The following ATN1 variants were observed in gnomAD, a reference collection of about 807,000 sequenced individuals.
ATN1 encodes the protein atrophin 1.
A neutral mutation model predicts 85.8 loss-of-function variants in ATN1; 19 were observed. The ratio of observed to expected loss-of-function variants is 0.22; its 90% CI spans 0.15 to 0.32. The LOEUF (loss-of-function observed/expected upper bound fraction) is 0.32. Among genes scored for constraint, ATN1 ranks in the 10% least tolerant of loss-of-function variants. The pLI is 1.00. For missense variants in ATN1, 1,453 were observed against 1,564.5 expected (o/e 0.93, Z 1.20); for synonymous variants, 674 against 657.0 (o/e 1.03, Z -0.39).
At chr12:6,927,885 G>T (rs1945414652), upstream of ATN1, among the ~76,000 whole-genome samples, 1 of 151,590 alleles carries the variant, frequency 6.6e-6, no homozygotes. Flanking sequence ...GGCCATTTCG[G>T]AGGGACCGCG....
At chr12:6,940,660 C>T (rs1945621849) in intron 7 of ATN1, among the ~76,000 whole-genome samples, 1 of 152,194 alleles carries the variant, frequency 6.6e-6, no homozygotes, top group South Asian at 2.1e-4. Flanking sequence ...CTTCTGATGA[C>T]TGTAATCTCC....
chr12:6,927,957 G>A (rs1945415500), upstream of ATN1, among the ~76,000 whole-genome samples: 2 of 148,396 alleles, frequency 1.3e-5, no homozygotes. Flanking sequence ...GGCGGGGGCC[G>A]CGGGCGAGGC....
Position 6,938,082 on chromosome 12 carries a change from G to A in ATN1, c.2517+15G>A, listed in dbSNP as rs1213539227. The stretch of plus-strand genomic sequence containing the variant: ...AACGCAGCGTGGTGAGTGCGTCACT[G>A]CCTGCGCCACCGCCTTCTTTCCCTC... On this transcript the variant is annotated intron_variant, in intron 6 of 9. Transcript: ENST00000396684. 2 of 1,534,204 alleles carry A rather than the reference G, an allele frequency of 1.3e-6. No homozygotes were observed. The highest frequency in any genetic ancestry group is 1.4e-5 in the African/African-American group (1 of 72,288).
In ATN1 at chr12:6,941,136, G is replaced by A. The variant is rs1945629287; in HGVS notation, c.3358+113G>A. The A allele has an allele frequency of 7.3e-7, 1 of 1,377,140 alleles. No homozygotes were observed. Among genetic ancestry groups the A allele is most frequent in the African/African-American group, 1.4e-5 (1 of 69,704 alleles). 85.3% of individuals were successfully genotyped at this position (1,377,140 alleles called of 1,614,324 possible). On this transcript the variant is annotated intron_variant, in intron 8 of 9. Transcript: ENST00000396684. This position sits in a 1 kb window ranked among gnomAD's most constrained non-coding sequence, Gnocchi z 5.9. ...GGGGAGGGATGAGGAGGTGCCTAGA[G>A]GAGCTGGGCATGGGAATAGGAGAGC...
Position 6,941,020 on chromosome 12 carries a change from T to C in ATN1, c.3355T>C (p.Phe1119Leu), listed in dbSNP as rs782335580. The C allele has an allele frequency of 1.2e-6, 2 of 1,614,070 alleles. No homozygotes were observed. Among genetic ancestry groups the C allele is most frequent in the Non-Finnish European group, 1.7e-6 (2 of 1,180,006 alleles). The change falls in exon 8 of 10, where the codon TTT (phenylalanine) becomes CTT (leucine). Residue 1119 changes from phenylalanine (F) to leucine (L), a missense_variant. This residue lies in a region of ATN1 where 118 missense variants were observed against 163.7 expected (regional missense o/e 0.72). Coordinates refer to ENST00000396684, the MANE Select transcript of ATN1 (RefSeq NM_001940.4). This position sits in a 1 kb window ranked among gnomAD's most constrained non-coding sequence, Gnocchi z 5.9. ...HENEVLRHQL[F>L]AAPYRDLPAS... ...GAACGAAGTTCTTCGTCACCAGCTC[T>C]TTGGTAAGGATGGAAGTTGGGGTAG...
chr12:6,925,742 T>C (rs1262852767), upstream of ATN1, among the ~76,000 whole-genome samples: 1 of 152,218 alleles, frequency 6.6e-6, no homozygotes, highest in Non-Finnish European at 1.5e-5. Flanking sequence ...GCCCAAGGAA[T>C]TGTGAGACAA....
chr12:6,930,286 T>C (rs1945443361), intron 1 of ATN1, among the ~76,000 whole-genome samples: 1 of 152,144 alleles, frequency 6.6e-6, no homozygotes, highest in Non-Finnish European at 1.5e-5. Flanking sequence ...TTGGACTGGT[T>C]TGTTAGTCTG....
chr12:6,936,763 AG>A lies in ATN1; in HGVS notation c.1497del (p.Gln499HisfsTer41), dbSNP rs1555143787. ...QQQQQQQQQQ[Q>X]QQQHHGNSGP... ...CAGCAGCAGCAGCAGCAGCAGCAGC[AG>A]CAGCAGCAGCATCACGGAAACTCTG... On this transcript the variant is annotated frameshift_variant, in exon 5 of 10. Transcript: ENST00000396684. LOFTEE classifies it high-confidence loss of function. 7.6e-5 allele frequency: 121 copies of A among 1,601,122 alleles called. No individual in the cohort carries two copies. Among genetic ancestry groups the A allele is most frequent in the Non-Finnish European group, 9.8e-5 (115 of 1,175,256 alleles).
chr12:6,925,721 T>A (rs1209734694), upstream of ATN1, among the ~76,000 whole-genome samples: 1 of 152,230 alleles, frequency 6.6e-6, no homozygotes, highest in Non-Finnish European at 1.5e-5. Flanking sequence ...CCCAGAACTT[T>A]GTTGAATCTG....
At chr12:6,933,197 A>G (rs1399105781) in intron 1 of ATN1, among the ~76,000 whole-genome samples, 1 of 152,042 alleles carries the variant, frequency 6.6e-6, no homozygotes, top group African/African-American at 2.4e-5. Context: ...CAATAAATTC[A>G]TACTTCAATG....
rs1555143833 is a variant in ATN1 at position 6,936,922 on chromosome 12, C to G, written c.1655C>G (p.Pro552Arg). 2 of 1,614,116 alleles carry G rather than the reference C, an allele frequency of 1.2e-6. No homozygotes were observed. The highest frequency in any genetic ancestry group is 1.7e-5 in the Admixed American group (1 of 60,026). ...YPPGPAHLPP[P>R]HSQVSYSQAG... Reference sequence around the variant, plus strand: ...CCAGGGCCAGCACACCTGCCCCCACCTCACAGCCAGGTGTCCTACAGCCAA... The same window carrying G: ...CCAGGGCCAGCACACCTGCCCCCACGTCACAGCCAGGTGTCCTACAGCCAA... The change falls in exon 5 of 10, where the codon CCT (proline) becomes CGT (arginine). Residue 552 changes from proline to arginine, a missense_variant. Transcript: ENST00000396684.
At position 6,941,869 on chromosome 12, in the gene ATN1, A is replaced by G. The variant is rs1555144759; in HGVS notation, c.*89A>G. 7.5e-7 allele frequency: 1 copy of G among 1,335,804 alleles called. No individual in the cohort carries two copies. Among genetic ancestry groups the G allele is most frequent in the African/African-American group, 1.4e-5 (1 of 69,314 alleles). 82.7% of individuals were successfully genotyped at this position (1,335,804 alleles called of 1,614,324 possible). ...CCACCGTGCCCTTGGCCTGCCACCC[A>G]GAGCCAAGAGGGTGCTGCTCAGTTG... On this transcript the variant is annotated 3_prime_UTR_variant, in exon 10 of 10. Transcript: ENST00000396684. This position sits in a 1 kb window ranked among gnomAD's most constrained non-coding sequence, Gnocchi z 5.9.
upstream of ATN1, among the ~76,000 whole-genome samples, chr12:6,925,117 C>CAT (rs1555142456): frequency 7.0e-6 from 1 of 143,718 alleles, no homozygotes; most frequent in African/African-American, 2.7e-5. Flanking sequence ...TGTGCGTGTG[C>CAT]GTGTGTGTGT....
chr12:6,938,583 C>T lies in ATN1; in HGVS notation c.2620C>T (p.Pro874Ser), dbSNP rs1565568643. The change falls in exon 7 of 10, where the codon CCC becomes TCC. Residue 874 changes from proline (P) to serine (S), a missense_variant. By Grantham distance (74) the Pro-to-Ser change is moderately conservative (BLOSUM62 -1). This residue lies in a region of ATN1 where 208 missense variants were observed against 263.4 expected (regional missense o/e 0.79). Coordinates refer to ENST00000396684, the MANE Select transcript of ATN1 (RefSeq NM_001940.4). ...GGGCAGTGCGGTGGCTACAGTGCCC[C>T]CCTACCTGGGTCCTGACACTCCAGC... is the stretch of plus-strand genomic sequence containing the variant. Reference protein sequence around the residue: ...EPGSAVATVPPYLGPDTPALR... With the variant: ...EPGSAVATVPSYLGPDTPALR... 1 of 1,614,228 alleles carries T rather than the reference C, an allele frequency of 6.2e-7. No individual in the cohort carries two copies. The highest frequency in any genetic ancestry group is 8.5e-7 in the Non-Finnish European group (1 of 1,180,030).
chr12:6,934,699 G>A lies in ATN1; in HGVS notation c.279+121G>A, dbSNP rs1945509423. On this transcript the variant is annotated intron_variant, in intron 4 of 9. Transcript: ENST00000396684. This position sits in a 1 kb window ranked among gnomAD's most constrained non-coding sequence, Gnocchi z 4.5. ...CATAAGAGAAAGGCCAGATCATAGT[G>A]CTTATGAGAGCAGTTCTGTCTATAA... 3.2e-5 allele frequency: 23 copies of A among 712,288 alleles called. No individual in the cohort carries two copies. In the South Asian group the frequency reaches 3.3e-4, roughly 10 times the overall value. 44.1% of individuals were successfully genotyped at this position (712,288 alleles called of 1,614,324 possible).
Position 6,937,940 on chromosome 12 carries a change from C to G in ATN1, c.2390C>G (p.Ala797Gly). Residue 797 changes from alanine to glycine, a missense_variant, in exon 6 of 10, where the codon GCC becomes GGC. Physicochemically the swap from Ala to Gly is moderately conservative, Grantham distance 60. Transcript: ENST00000396684. The surrounding 1 kb of genome is among the most constrained non-coding windows in gnomAD (Gnocchi z 6.0). ...LEGSKLAKKR[A>G]DLVEKVRREA... is the part of the protein sequence containing the mutation. ...GGCTCCAAGCTGGCCAAGAAGCGGG[C>G]CGACCTGGTGGAGAAGGTGCGGCGC... is the stretch of plus-strand genomic sequence containing the variant. 6.3e-7 allele frequency: 1 copy of G among 1,586,210 alleles called. No homozygotes were observed. Among genetic ancestry groups the G allele is most frequent in the Non-Finnish European group, 8.6e-7 (1 of 1,167,114 alleles).
In ATN1 at chr12:6,937,281, G is replaced by C; in HGVS notation, c.2014G>C (p.Gly672Arg). ...PPSFRTGTPP[G>R]YRGTSPPAGP... ...CTCCTTCCGAACGGGGACCCCACCG[G>C]GCTATCGAGGAACCTCGCCACCTGC... The change falls in exon 5 of 10, where the codon GGC becomes CGC. Residue 672 changes from glycine (G) to arginine (R), a missense_variant. By Grantham distance (125) the Gly-to-Arg change is moderately radical (BLOSUM62 -2). Around this residue, in one of 6 missense-constraint regions of ATN1, gnomAD observed 990 missense variants for 914.8 expected, o/e 1.08. Transcript: ENST00000396684. This position sits in a 1 kb window ranked among gnomAD's most constrained non-coding sequence, Gnocchi z 6.0. The C allele has an allele frequency of 6.2e-7, 1 of 1,605,618 alleles. No homozygotes were observed. The highest frequency in any genetic ancestry group is 8.5e-7 in the Non-Finnish European group (1 of 1,176,966).
chr12:6,937,799 G>A lies in ATN1; in HGVS notation c.2295-46G>A. The stretch of plus-strand genomic sequence containing the variant: ...GGGCCGCGGCGCTGCGGGCTCCATC[G>A]GGCAGCTCGCACCGCCTGAGCGCCC... On this transcript the variant is annotated intron_variant, in intron 5 of 9. Transcript: ENST00000396684. The surrounding 1 kb of genome is among the most constrained non-coding windows in gnomAD (Gnocchi z 6.0). The A allele has an allele frequency of 2.0e-6, 3 of 1,508,808 alleles. No homozygotes were observed. The highest frequency in any genetic ancestry group is 1.8e-6 in the Non-Finnish European group (2 of 1,127,330). The allele number at this position is 1,508,808 out of a possible 1,614,324, so 93.5% of individuals were successfully genotyped here. A position where few individuals can be genotyped will look rare whatever the true frequency, so the allele number is the denominator to read the frequency against.
rs868985549 is a variant in ATN1 at position 6,928,065 on chromosome 12, C to G, written c.-482C>G. ...GCCGAGGGCCGGGCGGGCCGCGGGGCCGGGCGGCGCGGCGGGGGCGGGCGG... is the reference window on the plus strand; with the variant it reads ...GCCGAGGGCCGGGCGGGCCGCGGGGGCGGGCGGCGCGGCGGGGGCGGGCGG... On this transcript the variant is annotated 5_prime_UTR_variant, in exon 1 of 10. Transcript: ENST00000396684. Among the ~76,000 whole-genome samples the G allele has an allele frequency of 7.0e-6, 1 of 142,556 alleles. No individual in the cohort carries two copies. The highest frequency in any genetic ancestry group is 1.5e-5 in the Non-Finnish European group (1 of 64,608). The allele number at this position is 142,556 out of a possible 152,430, so 93.5% of individuals were successfully genotyped here. A position where few individuals can be genotyped will look rare whatever the true frequency, so the allele number is the denominator to read the frequency against.
Sources: allele counts gnomAD v4.1 joint callset (sites outside exome capture counted in the v4.1 genomes callset), GRCh38; gene constraint gnomAD v4.1.1; regional missense constraint gnomAD v4.1.1; non-coding constraint Gnocchi (gnomAD v3.1); transcripts MANE v1.5; gene names NCBI Gene and HGNC (gene_info 2026-07-23, HGNC 2026-07-21).